Variants in CGNL1 observed in about 807,000 individuals in gnomAD.
CGNL1 encodes cingulin like 1.
CGNL1 carries 132 observed loss-of-function variants against 141.2 expected under a neutral mutation model. The observed-to-expected ratio is 0.93, with a 90% CI of 0.81 to 1.08. The LOEUF (loss-of-function observed/expected upper bound fraction) is 1.08. CGNL1 is among the 50% of genes least tolerant of loss of function. The pLI is 0.00. For synonymous variants in CGNL1, 690 were observed against 622.1 expected (o/e 1.11, Z -1.63); for missense variants, 1,870 against 1,588.6 (o/e 1.18, Z -3.01).
chr15:57,497,094 C>G (rs1280373), intron 8 of CGNL1, among the ~76,000 whole-genome samples: 1 of 152,104 alleles, frequency 6.6e-6, no homozygotes, highest in Non-Finnish European at 1.5e-5. Context: ...CTGTGTTTGG[C>G]GGTATGGGGA....
At chr15:57,396,865 A>G (rs758523814) in intron 1 of CGNL1, 3 of 152,154 alleles carry the variant, frequency 2.0e-5, no homozygotes, top group Admixed American at 6.5e-5. Flanking sequence ...CGCTCTTGCT[A>G]TACGGAAGGT....
rs532683649 is a variant in CGNL1 at position 57,542,328 on chromosome 15, A to AG, written c.3292-1366dup. Among the ~76,000 whole-genome samples the AG allele has an allele frequency of 5.8e-4, 89 of 152,314 alleles. 2 individuals carry two copies. In the South Asian group the frequency reaches 0.011, roughly 18 times the overall value. On this transcript the variant is annotated intron_variant, in intron 14 of 18. Coordinates refer to ENST00000281282, the MANE Select transcript of CGNL1 (RefSeq NM_032866.5). ...CTGGAATTCGTTTTCATCCTTAAGA[A>AG]GGAAAAGGTGGTTTTATTTTACTGG...
intron 14 of CGNL1, among the ~76,000 whole-genome samples, chr15:57,539,012 A>G (rs16977583): frequency 0.029 from 4,394 of 152,200 alleles, 223 homozygotes; most frequent in African/African-American, 0.1. Flanking sequence ...GGGTGATAAC[A>G]TCTGCCTCGG....
At chr15:57,442,133 T>G (rs2063194989) in intron 3 of CGNL1, among the ~76,000 whole-genome samples, 1 of 139,808 alleles carries the variant, frequency 7.2e-6, no homozygotes, top group South Asian at 2.3e-4. Flanking sequence ...CTCACATATT[T>G]GCAAGTGGGA....
chr15:57,445,745 G>T (rs1303715893), intron 4 of CGNL1, among the ~76,000 whole-genome samples: 3 of 152,142 alleles, frequency 2.0e-5, no homozygotes, highest in Non-Finnish European at 2.9e-5. Context: ...AGATGCCGCC[G>T]TTTCTAGCTT....
chr15:57,469,952 C>T (rs1369120305), intron 8 of CGNL1, among the ~76,000 whole-genome samples: 1 of 152,216 alleles, frequency 6.6e-6, no homozygotes, highest in Non-Finnish European at 1.5e-5. Flanking sequence ...AATCGCTTCC[C>T]TTAAGACATG....
intron 1 of CGNL1, among the ~76,000 whole-genome samples, chr15:57,385,269 C>T (rs1270389253): frequency 6.6e-6 from 1 of 152,230 alleles, no homozygotes; most frequent in Admixed American, 6.5e-5. Context: ...TGAAGTGGCT[C>T]ACGCCTATAA....
At chr15:57,392,273 G>T (rs748745306) in intron 1 of CGNL1, among the ~76,000 whole-genome samples, 7 of 152,142 alleles carry the variant, frequency 4.6e-5, no homozygotes, top group Non-Finnish European at 1.0e-4. Flanking sequence ...CCTAACAGGG[G>T]CATTATCTGA....
intron 8 of CGNL1, among the ~76,000 whole-genome samples, chr15:57,483,437 C>T (rs1386261573): frequency 4.8e-5 from 7 of 145,828 alleles, no homozygotes; most frequent in African/African-American, 1.3e-4. Flanking sequence ...ATTTCTTTAC[C>T]TTGCTGAAAT....
chr15:57,511,025 G>A (rs868486769), intron 8 of CGNL1, among the ~76,000 whole-genome samples: 3 of 152,150 alleles, frequency 2.0e-5, no homozygotes, highest in Admixed American at 2.0e-4. Context: ...TGTTTTCTGA[G>A]TTCCTGTGAC....
intron 1 of CGNL1, among the ~76,000 whole-genome samples, chr15:57,403,008 A>G (rs866882762): frequency 5.3e-5 from 8 of 152,200 alleles, no homozygotes; most frequent in African/African-American, 1.9e-4. Context: ...TGAATCTCCT[A>G]GAGAAACTGG....
At chr15:57,395,696 G>A (rs1706341) in intron 1 of CGNL1, among the ~76,000 whole-genome samples, 5 of 152,010 alleles carry the variant, frequency 3.3e-5, no homozygotes, top group African/African-American at 9.7e-5. Context: ...CGTTAAGCAC[G>A]CTATGTGCAT....
intron 1 of CGNL1, among the ~76,000 whole-genome samples, chr15:57,385,358 A>G (rs1356429977): frequency 2.0e-5 from 3 of 151,814 alleles, no homozygotes; most frequent in Non-Finnish European, 4.4e-5. Flanking sequence ...ACATGGTGAA[A>G]CCCTGTCCCT....
chr15:57,412,867 T>A (rs1178279440), intron 1 of CGNL1, among the ~76,000 whole-genome samples: 2 of 152,116 alleles, frequency 1.3e-5, no homozygotes, highest in African/African-American at 4.8e-5. Flanking sequence ...TCAGTTTCTT[T>A]TTTTTTCTTT....
At chr15:57,454,862 C>T (rs2063360055) in intron 7 of CGNL1, among the ~76,000 whole-genome samples, 1 of 151,576 alleles carries the variant, frequency 6.6e-6, no homozygotes, top group Admixed American at 6.6e-5. Flanking sequence ...ATGTATTTAT[C>T]ACTGAAATAA....
intron 8 of CGNL1, among the ~76,000 whole-genome samples, chr15:57,496,145 G>A (rs957657698): frequency 2.0e-5 from 3 of 152,218 alleles, no homozygotes; most frequent in Admixed American, 2.0e-4. Context: ...TTACCAAGGC[G>A]ACAAATACAT....
intron 1 of CGNL1, among the ~76,000 whole-genome samples, chr15:57,406,820 A>G (rs1341891567): frequency 6.6e-6 from 1 of 152,256 alleles, no homozygotes; most frequent in Non-Finnish European, 1.5e-5. Flanking sequence ...TCTGAATGCA[A>G]TCTGAAATAA....
chr15:57,468,244 T>C (rs1234402870), intron 8 of CGNL1, among the ~76,000 whole-genome samples: 172 of 137,020 alleles, frequency 1.3e-3, no homozygotes, highest in African/African-American at 2.0e-3. Context: ...CTTTTTTTTT[T>C]TTTTTTTTTT....
At chr15:57,489,767 G>A (rs1274520683) in intron 8 of CGNL1, among the ~76,000 whole-genome samples, 2 of 152,140 alleles carry the variant, frequency 1.3e-5, no homozygotes, top group Admixed American at 6.5e-5. Context: ...ATTAGTTTTG[G>A]TGCTGAAGCT....
Sources: allele counts gnomAD v4.1 joint callset (sites outside exome capture counted in the v4.1 genomes callset), GRCh38; gene constraint gnomAD v4.1.1; transcripts MANE v1.5; gene names NCBI Gene and HGNC (gene_info 2026-07-23, HGNC 2026-07-21).